Variants in ZNF69 observed in about 807,000 individuals in gnomAD.
ZNF69 encodes the protein ZNF3.
ZNF69 carries 47 observed loss-of-function variants against 50.9 expected under a neutral mutation model. The ratio of observed to expected loss-of-function variants is 0.92; its 90% CI spans 0.73 to 1.18. The LOEUF (loss-of-function observed/expected upper bound fraction) is 1.18, where lower values mean the gene tolerates loss of function less well. Ranked by LOEUF, ZNF69 falls within the 50% of genes most tolerant of loss-of-function variation. The pLI, the probability that ZNF69 is intolerant of heterozygous loss-of-function variation, is 0.00. For synonymous variants in ZNF69, 216 were observed against 223.1 expected (o/e 0.97, Z 0.29); for missense variants, 717 against 675.1 (o/e 1.06, Z -0.69).
chr19:11,956,136 A>G, the ZNF69 span, among the ~76,000 whole-genome samples: 15 of 152,272 alleles, frequency 9.9e-5, no homozygotes, highest in East Asian at 1.7e-3. Flanking sequence ...ATATATTTCA[A>G]TGATTTCATT....
the ZNF69 span, chr19:11,949,777 A>G: frequency 6.2e-7 from 1 of 1,613,258 alleles, no homozygotes; most frequent in Non-Finnish European, 8.5e-7. Context: ...GCATGAAAGG[A>G]CTCACACTGG....
At chr19:11,951,025 C>T in the ZNF69 span, among the ~76,000 whole-genome samples, 1 of 151,334 alleles carries the variant, frequency 6.6e-6, no homozygotes, top group African/African-American at 2.4e-5. Context: ...GTGGCGCGCA[C>T]CGGTAGTCCC....
rs770377020 is a variant in ZNF69, at chr19:11,904,956, A to G, written c.559A>G (p.Thr187Ala). The G allele has an allele frequency of 2.5e-6, 4 of 1,614,116 alleles. No individual in the cohort carries two copies. In the East Asian group the frequency reaches 8.9e-5, roughly 36 times the overall value. ...PSFRTPQRDH[T>A]GEKPYACKEC... Reference sequence around the variant, plus strand: ...CTTTAGAACACCACAAAGGGATCACACTGGAGAGAAACCCTATGCTTGTAA... The same window carrying G: ...CTTTAGAACACCACAAAGGGATCACGCTGGAGAGAAACCCTATGCTTGTAA... The change falls in exon 4 of 4, where the codon ACT becomes GCT. Residue 187 changes from threonine to alanine, a missense_variant. Thr to Ala is a moderately conservative substitution (Grantham distance 58). Transcript: ENST00000429654.
intron 4 of ZNF69, among the ~76,000 whole-genome samples, chr19:11,913,065 TG>T (rs888361708): frequency 1.3e-5 from 2 of 151,758 alleles, no homozygotes; most frequent in Non-Finnish European, 2.9e-5. Context: ...GGCGTGGTGG[TG>T]GGTGCCTGCA....
downstream of ZNF69, among the ~76,000 whole-genome samples, chr19:11,918,678 C>A (rs1307402078): frequency 6.6e-6 from 1 of 151,984 alleles, no homozygotes; most frequent in Non-Finnish European, 1.5e-5. Flanking sequence ...TGGTCTCGAA[C>A]TCCCGGGCTC....
the ZNF69 span, chr19:11,979,015 C>T: frequency 5.3e-5 from 86 of 1,613,916 alleles, no homozygotes; most frequent in Non-Finnish European, 6.4e-5. Flanking sequence ...ACCCACTCTG[C>T]GAAAAAACCT....
chr19:11,915,349 G>A (rs781456903), downstream of ZNF69, among the ~76,000 whole-genome samples: 1 of 152,262 alleles, frequency 6.6e-6, no homozygotes, highest in African/African-American at 2.4e-5. Context: ...ACTTTCCACA[G>A]GATGCAAGCA....
chr19:11,937,620 C>G, the ZNF69 span, among the ~76,000 whole-genome samples: 1 of 151,580 alleles, frequency 6.6e-6, no homozygotes, highest in Non-Finnish European at 1.5e-5. Flanking sequence ...TCCCGAGTAA[C>G]TGAGACTACA....
At chr19:11,969,720 G>A in the ZNF69 span, among the ~76,000 whole-genome samples, 1 of 152,244 alleles carries the variant, frequency 6.6e-6, no homozygotes, top group East Asian at 1.9e-4. Context: ...ACTCTTCAAG[G>A]GCTTGCAGTG....
intron 1 of ZNF69, among the ~76,000 whole-genome samples, chr19:11,897,668 C>T (rs1032593933): frequency 2.0e-5 from 3 of 150,470 alleles, no homozygotes; most frequent in Non-Finnish European, 4.4e-5. Flanking sequence ...GTCAGGAGAT[C>T]GAGACCATCC....
chr19:11,954,656 C>T, the ZNF69 span, among the ~76,000 whole-genome samples: 1 of 152,204 alleles, frequency 6.6e-6, no homozygotes, highest in Admixed American at 6.5e-5. Context: ...CATGACGATT[C>T]CCTCTCTCTA....
the ZNF69 span, chr19:11,978,046 G>A: frequency 6.4e-7 from 1 of 1,554,468 alleles, no homozygotes; most frequent in South Asian, 1.2e-5. Flanking sequence ...TGTTAAAAAT[G>A]CAAGTGCAAT....
At chr19:11,966,871 A>G in the ZNF69 span, among the ~76,000 whole-genome samples, 1 of 152,160 alleles carries the variant, frequency 6.6e-6, no homozygotes, top group Admixed American at 6.5e-5. Flanking sequence ...CCCAAACAGG[A>G]AAAACACAGA....
chr19:11,957,568 G>T, the ZNF69 span, among the ~76,000 whole-genome samples: 1 of 152,058 alleles, frequency 6.6e-6, no homozygotes, highest in Admixed American at 6.6e-5. Flanking sequence ...GGGGTGGCTG[G>T]GTGTGGTGGC....
the ZNF69 span, among the ~76,000 whole-genome samples, chr19:11,957,548 C>G: frequency 6.6e-6 from 1 of 151,770 alleles, no homozygotes; most frequent in Non-Finnish European, 1.5e-5. Flanking sequence ...AGGGATCAGT[C>G]AAAAATTCAG....
At chr19:11,917,728 A>G (rs964056242), downstream of ZNF69, among the ~76,000 whole-genome samples, 17 of 149,812 alleles carry the variant, frequency 1.1e-4, no homozygotes, top group African/African-American at 3.9e-4. Context: ...CTTGCCTCCC[A>G]GATTCTCCTG....
chr19:11,929,166 GT>G, the ZNF69 span, among the ~76,000 whole-genome samples: 112 of 148,084 alleles, frequency 7.6e-4, 5 homozygotes, highest in South Asian at 0.023. Context: ...TTACTTTGTT[GT>G]TTTTGTTGTT....
At chr19:11,955,251 C>T in the ZNF69 span, among the ~76,000 whole-genome samples, 1 of 152,028 alleles carries the variant, frequency 6.6e-6, no homozygotes, top group South Asian at 2.1e-4. Flanking sequence ...GATCCGCCCA[C>T]CTCGGCATCC....
At chr19:11,923,939 C>G in the ZNF69 span, among the ~76,000 whole-genome samples, 3 of 152,112 alleles carry the variant, frequency 2.0e-5, no homozygotes, top group African/African-American at 7.2e-5. Context: ...CTACAAGTGG[C>G]CTCCAGCTGC....
Sources: allele counts gnomAD v4.1 joint callset (sites outside exome capture counted in the v4.1 genomes callset), GRCh38; gene constraint gnomAD v4.1.1; transcripts MANE v1.5; gene names NCBI Gene and HGNC (gene_info 2026-07-23, HGNC 2026-07-21).